Variants in KDM5C observed in about 807,000 individuals in gnomAD.
KDM5C encodes lysine demethylase 5C, also known as lysine-specific demethylase 5C.
A neutral mutation model predicts 110.6 loss-of-function variants in KDM5C; 16 were observed. The observed-to-expected ratio is 0.14, with a 90% CI of 0.10 to 0.22. The LOEUF (loss-of-function observed/expected upper bound fraction) is 0.22, where lower values mean the gene tolerates loss of function less well. KDM5C is among the 10% of genes least tolerant of loss of function. The pLI is 1.00. For missense variants in KDM5C, 681 were observed against 1,300.9 expected (o/e 0.52, Z 7.33); for synonymous variants, 511 against 520.4 (o/e 0.98, Z 0.24).
Position 53,192,861 on chromosome X carries a change from A to ACCCCGC in KDM5C, c.*105_*106insGCGGGG. The ACCCCGC allele has an allele frequency of 5.0e-5, 25 of 501,981 alleles. No individual in the cohort carries two copies. The highest frequency in any genetic ancestry group is 6.6e-5 in the Non-Finnish European group (23 of 347,627). The allele number at this position is 501,981 out of a possible 1,213,427, so 41.4% of individuals were successfully genotyped here. A position where few individuals can be genotyped will look rare whatever the true frequency, so the allele number is the denominator to read the frequency against. ...GGGTGGGCGGGTAGCAGGGATGGCC[A>ACCCCGC]CCCCCCTACCCGCCCACCCCCCAAG... On this transcript the variant is annotated 3_prime_UTR_variant, in exon 26 of 26. Transcript: ENST00000375401.
intron 25 of KDM5C, among the ~76,000 whole-genome samples, chrX:53,177,862 GA>G (rs1438229982): frequency 9.0e-6 from 1 of 111,636 alleles, no homozygotes. Context: ...AATGTTTGAA[GA>G]AAAAAACCCT....
At chrX:53,193,373 T>A (rs1556832684) in intron 25 of KDM5C, 41 bp from the exon 26 acceptor site, 9 of 1,211,028 alleles carry the variant, frequency 7.4e-6, no homozygotes, top group Non-Finnish European at 1.0e-5. Context: ...TGTGGGCCAG[T>A]GGTCAGGCCT....
intron 14 of KDM5C, among the ~76,000 whole-genome samples, chrX:53,200,504 G>A (rs781857261): frequency 9.0e-6 from 1 of 111,050 alleles, no homozygotes; most frequent in African/African-American, 3.3e-5. Flanking sequence ...ACAGCCACAC[G>A]GCCATCATTT....
chrX:53,199,234 C>A lies in KDM5C; in HGVS notation c.2062-76G>T, dbSNP rs189211158. On this transcript the variant is annotated intron_variant, in intron 14 of 25. Transcript: ENST00000375401. ...ATCCTCCATCTCAGCCACCACCGAC[C>A]CCTACTTTAGATTCAAATCTATGCT... The A allele has an allele frequency of 7.7e-6, 8 of 1,034,522 alleles. No individual in the cohort carries two copies. In the African/African-American group the frequency reaches 9.3e-5, roughly 12 times the overall value. The allele number at this position is 1,034,522 out of a possible 1,213,427, so 85.3% of individuals were successfully genotyped here. A position where few individuals can be genotyped will look rare whatever the true frequency, so the allele number is the denominator to read the frequency against.
At chrX:53,201,106 A>G (rs782527024) in intron 14 of KDM5C, among the ~76,000 whole-genome samples, 13 of 112,432 alleles carry the variant, frequency 1.2e-4, no homozygotes, top group Non-Finnish European at 1.5e-4. Context: ...ACATCTTGCA[A>G]GTTAGGTATT....
At chrX:53,208,400 C>T (rs1473620114) in intron 12 of KDM5C, among the ~76,000 whole-genome samples, 3 of 73,418 alleles carry the variant, frequency 4.1e-5, no homozygotes, top group Non-Finnish European at 7.1e-5. Context: ...TGTATATATA[C>T]ATATATATAC....
chrX:53,197,712 C>G, intron 18 of KDM5C, 59 bp downstream of exon 18: 1 of 949,597 alleles, frequency 1.1e-6, no homozygotes, highest in East Asian at 3.3e-5. Context: ...CCAAGCATGG[C>G]CTGCTGCTCA....
In KDM5C at chrX:53,211,793, G is replaced by T. The variant is rs147546892; in HGVS notation, c.1236C>A (p.Pro412=). ...TCAGCCCTCCATCACCTACATGCAC[G>T]GGCATGTTGAAGTAGTCAGCTTTAA... The part of the protein sequence containing the change: ...DSFKADYFNM[P]VHMVPTELVE... The change falls in exon 9 of 26, where the codon CCC becomes CCA. Residue 412 remains proline, a synonymous_variant. Transcript: ENST00000375401. 1 of 1,211,070 alleles carries T rather than the reference G, an allele frequency of 8.3e-7. No homozygotes were observed. Among genetic ancestry groups the T allele is most frequent in the Non-Finnish European group, 1.1e-6 (1 of 894,977 alleles).
At chrX:53,220,649 C>A (rs992786092) in intron 2 of KDM5C, among the ~76,000 whole-genome samples, 190 bp downstream of exon 2, 37 of 112,318 alleles carry the variant, frequency 3.3e-4, no homozygotes, top group Non-Finnish European at 6.9e-4. Flanking sequence ...ATGCCCCTGG[C>A]TCTTGGTTAT....
In KDM5C at chrX:53,210,820, G is replaced by A. The variant is rs1057518697; in HGVS notation, c.1439C>T (p.Pro480Leu). The A allele has an allele frequency of 8.3e-7, 1 of 1,211,376 alleles. No individual in the cohort carries two copies. Among genetic ancestry groups the A allele is most frequent in the Non-Finnish European group, 1.1e-6 (1 of 895,177 alleles). ...ATSGWNLNVM[P>L]VLEQSVLCHI... The stretch of plus-strand genomic sequence containing the variant: ...GCACAGTACAGACTGTTCCAACACC[G>A]GCATCACATTTAGGTTCCAACCACT... Residue 480 changes from proline (P) to leucine (L), a missense_variant, in exon 11 of 26, where the codon CCG (proline) becomes CTG (leucine). Pro to Leu is a moderately conservative substitution (Grantham distance 98, BLOSUM62 -3). Coordinates refer to ENST00000375401, the MANE Select transcript of KDM5C (RefSeq NM_004187.5).
At chrX:53,176,833 G>A (rs942281143) in intron 25 of KDM5C, among the ~76,000 whole-genome samples, 1 of 111,995 alleles carries the variant, frequency 8.9e-6, no homozygotes, top group Non-Finnish European at 1.9e-5. Flanking sequence ...AATAAAAACA[G>A]GCAAAACTAA....
At chrX:53,194,766 G>A in intron 22 of KDM5C, 28 bp from the exon 23 acceptor site, 1 of 1,209,013 alleles carries the variant, frequency 8.3e-7, no homozygotes, top group Middle Eastern at 2.6e-4. Flanking sequence ...GGAGCAAAGT[G>A]GGTCAGCAGC....
intron 12 of KDM5C, chrX:53,202,828 T>TA (rs1177544226): frequency 9.1e-6 from 1 of 110,457 alleles, no homozygotes; most frequent in East Asian, 2.8e-4. Flanking sequence ...TCCTTTTTTT[T>TA]TTTTTTTGAG....
rs2146865511 is a variant in KDM5C at position 53,201,639 on chromosome X, G to A, written c.1972C>T (p.Leu658=). Residue 658 remains leucine (L), a synonymous_variant, in exon 14 of 26, where the codon CTA becomes TTA. Coordinates refer to ENST00000375401, the MANE Select transcript of KDM5C (RefSeq NM_004187.5). ...ACAGCTGCCGCCAGGTTCAGGTCTA[G>A]CTTCTCTGGGCAGGCAGCCATCTTG... ...ICKMAACPEK[L]DLNLAAAVHK... is the part of the protein sequence containing the mutation. The A allele has an allele frequency of 8.3e-7, 1 of 1,212,056 alleles. No homozygotes were observed. Among genetic ancestry groups the A allele is most frequent in the South Asian group, 1.8e-5 (1 of 57,036 alleles).
intron 25 of KDM5C, among the ~76,000 whole-genome samples, chrX:53,181,933 C>T (rs782570238): frequency 1.9e-4 from 21 of 109,381 alleles, no homozygotes; most frequent in Middle Eastern, 4.6e-3. Flanking sequence ...GGACTACAGG[C>T]GCCCACCACC....
intron 17 of KDM5C, 143 bp downstream of exon 17, chrX:53,198,347 C>T: frequency 1.4e-6 from 1 of 740,406 alleles, no homozygotes; most frequent in Non-Finnish European, 2.0e-6. Flanking sequence ...ACCTTCCAGG[C>T]CATCTCACAC....
At chrX:53,207,441 T>G (rs890772752) in intron 12 of KDM5C, among the ~76,000 whole-genome samples, 1 of 111,706 alleles carries the variant, frequency 9.0e-6, no homozygotes, top group Admixed American at 9.6e-5. Flanking sequence ...AACAGCCACA[T>G]GTAGCTAGTG....
Position 53,225,149 on chromosome X carries a change from CCA to C in KDM5C, c.-262_-261del. On this transcript the variant is annotated 5_prime_UTR_variant, in exon 1 of 26. Transcript: ENST00000375401. ...CTCCCCACTACCGCAGCCTTCGCCA[CCA>C]CAGTTACCTCCCAAACGCCGCGGCC... 3 of 346,382 alleles carry C rather than the reference CCA, an allele frequency of 8.7e-6. No homozygotes were observed. Among genetic ancestry groups the C allele is most frequent in the Non-Finnish European group, 1.5e-5 (3 of 200,993 alleles). 28.5% of individuals were successfully genotyped at this position (346,382 alleles called of 1,213,427 possible). A position where few individuals can be genotyped will look rare whatever the true frequency, so the allele number is the denominator to read the frequency against.
Position 53,192,497 on chromosome X carries a change from C to G in KDM5C, c.*470G>C, listed in dbSNP as rs1602155630. On this transcript the variant is annotated 3_prime_UTR_variant, in exon 26 of 26. Transcript: ENST00000375401. ...TGAAGTTTCCTCCTCCTGGGTGGAACAGTCAGGGGAAGGGAGAGGGAGAAG... is the reference window on the plus strand; with the variant it reads ...TGAAGTTTCCTCCTCCTGGGTGGAAGAGTCAGGGGAAGGGAGAGGGAGAAG... 2 of 291,389 alleles carry G rather than the reference C, an allele frequency of 6.9e-6. No homozygotes were observed. Among genetic ancestry groups the G allele is most frequent in the East Asian group, 5.0e-5 (1 of 20,194 alleles). 24.0% of individuals were successfully genotyped at this position (291,389 alleles called of 1,213,427 possible). A position where few individuals can be genotyped will look rare whatever the true frequency, so the allele number is the denominator to read the frequency against.
Sources: allele counts gnomAD v4.1 joint callset (sites outside exome capture counted in the v4.1 genomes callset), GRCh38; gene constraint gnomAD v4.1.1; transcripts MANE v1.5; gene names NCBI Gene and HGNC (gene_info 2026-07-23, HGNC 2026-07-21).